SUZ12: variants seen among roughly 807,000 people sequenced by gnomAD.
The protein encoded by SUZ12 is SUZ12 polycomb repressive complex 2 subunit.
SUZ12 carries 17 observed loss-of-function variants against 87.3 expected under a neutral mutation model. That is an observed-to-expected ratio of 0.19 (90% CI 0.13 to 0.29). The LOEUF (loss-of-function observed/expected upper bound fraction) is 0.29. Ranked by LOEUF, SUZ12 falls within the 10% of genes least tolerant of loss-of-function variation. SUZ12 has a pLI of 1.00. For synonymous variants in SUZ12, 253 were observed against 312.4 expected (o/e 0.81, Z 2.01); for missense variants, 526 against 912.2 (o/e 0.58, Z 5.45).
chr17:31,968,620 T>C, intron 5 of SUZ12, among the ~76,000 whole-genome samples: 1 of 152,238 alleles, frequency 6.6e-6, no homozygotes, highest in East Asian at 1.9e-4. Flanking sequence ...AGATCTGGTC[T>C]ATTTTTTATA....
intron 4 of SUZ12, among the ~76,000 whole-genome samples, chr17:31,954,905 G>A (rs1432073710): frequency 6.6e-6 from 1 of 152,212 alleles, no homozygotes; most frequent in Non-Finnish European, 1.5e-5. Context: ...AGCTGGAGCA[G>A]ATGGCCAGGG....
intron 4 of SUZ12, among the ~76,000 whole-genome samples, chr17:31,955,554 C>T (rs1907263824): frequency 6.6e-6 from 1 of 152,070 alleles, no homozygotes; most frequent in Non-Finnish European, 1.5e-5. Flanking sequence ...TGAGAACAGC[C>T]TGACCAACAT....
intron 8 of SUZ12, among the ~76,000 whole-genome samples, chr17:31,981,025 CAAAAA>C (rs1036267583): frequency 7.4e-6 from 1 of 135,086 alleles, no homozygotes; most frequent in Non-Finnish European, 1.6e-5. Flanking sequence ...CAGCGACTGT[CAAAAA>C]AAAAAACCAA....
intron 4 of SUZ12, among the ~76,000 whole-genome samples, chr17:31,959,205 G>A (rs138425008): frequency 0.011 from 1,733 of 152,000 alleles, 34 homozygotes; most frequent in African/African-American, 0.039. Context: ...TTCAGAACCT[G>A]GCTATACATT....
intron 12 of SUZ12, 34 bp from the exon 13 acceptor site, chr17:31,994,530 T>C: frequency 6.5e-7 from 1 of 1,538,082 alleles, no homozygotes; most frequent in Non-Finnish European, 8.8e-7. Context: ...GATAGGATAC[T>C]TAATATATTT....
intron 5 of SUZ12, 112 bp downstream of exon 5, chr17:31,966,308 T>G: frequency 2.1e-6 from 2 of 945,768 alleles, no homozygotes; most frequent in South Asian, 1.6e-5. Flanking sequence ...TAATGGAAAA[T>G]ATGTTGGTTC....
intron 8 of SUZ12, among the ~76,000 whole-genome samples, chr17:31,980,333 G>A (rs898605956): frequency 1.3e-5 from 2 of 151,066 alleles, no homozygotes; most frequent in African/African-American, 4.9e-5. Context: ...ATTTTGTCAG[G>A]AGGAGCCCTT....
At chr17:31,973,118 T>C (rs1365431488) in intron 5 of SUZ12, 28 bp from the exon 6 acceptor site, 7 of 1,514,062 alleles carry the variant, frequency 4.6e-6, no homozygotes, top group Middle Eastern at 1.9e-4. Flanking sequence ...TTTTTAAATA[T>C]ATTTTAAAAT....
Position 31,994,665 on chromosome 17 carries a change from T to C in SUZ12, c.1539T>C (p.Ala513=), listed in dbSNP as rs1909880933. ...PQDIHRQPGF[A]FSRNGPVKRT... ...ATATTCATCGCCAACCTGGATTTGCTTTTAGTCGCAACGGACCAGTTAAGA... is the reference window on the plus strand; with the variant it reads ...ATATTCATCGCCAACCTGGATTTGCCTTTAGTCGCAACGGACCAGTTAAGA... The change falls in exon 13 of 16, where the codon GCT becomes GCC. Residue 513 remains alanine (A), a synonymous_variant. Coordinates refer to ENST00000322652, the MANE Select transcript of SUZ12 (RefSeq NM_015355.4). The C allele has an allele frequency of 6.2e-7, 1 of 1,614,024 alleles. No homozygotes were observed. The highest frequency in any genetic ancestry group is 1.3e-5 in the African/African-American group (1 of 74,912).
chr17:31,968,668 C>T (rs1908235340), intron 5 of SUZ12, among the ~76,000 whole-genome samples: 1 of 152,054 alleles, frequency 6.6e-6, no homozygotes, highest in South Asian at 2.1e-4. Context: ...TTTTGTTTTC[C>T]TTAAATTATT....
chr17:31,998,047 G>T (rs1346454900), intron 15 of SUZ12, among the ~76,000 whole-genome samples: 5 of 151,722 alleles, frequency 3.3e-5, no homozygotes, highest in African/African-American at 9.7e-5. Flanking sequence ...AGACCAACCT[G>T]GGCAACACAG....
chr17:31,983,271 A>ATT (rs1909215060), intron 9 of SUZ12, among the ~76,000 whole-genome samples, 167 bp downstream of exon 9: 1 of 129,104 alleles, frequency 7.7e-6, no homozygotes, highest in Non-Finnish European at 1.6e-5. Context: ...GGAAGGTATC[A>ATT]TTCTTTTTTT....
chr17:32,001,036 CTG>C (rs1598195936), exon 16 of SUZ12: 1 of 196,514 alleles, frequency 5.1e-6, no homozygotes, highest in Non-Finnish European at 1.1e-5. Context: ...AATATAAAAG[CTG>C]TATTCTGTTT....
intron 4 of SUZ12, among the ~76,000 whole-genome samples, chr17:31,958,101 C>T (rs867750989): frequency 1.3e-5 from 2 of 151,590 alleles, no homozygotes; most frequent in Non-Finnish European, 2.9e-5. Context: ...GATGGGGTTT[C>T]ACCGTGTTAG....
chr17:31,984,845 A>C (rs969429810), intron 9 of SUZ12, among the ~76,000 whole-genome samples: 6 of 152,186 alleles, frequency 3.9e-5, no homozygotes, highest in African/African-American at 1.4e-4. Flanking sequence ...TATACTCTCA[A>C]ATAATATTTT....
chr17:31,964,792 C>A (rs982459880), intron 4 of SUZ12, among the ~76,000 whole-genome samples: 8 of 152,042 alleles, frequency 5.3e-5, no homozygotes, highest in Non-Finnish European at 1.2e-4. Flanking sequence ...AAATGTCTTT[C>A]TTACTTGCCT....
At position 31,949,676 on chromosome 17, in the gene SUZ12, C is replaced by CTTTTTTTTT. The variant is rs71360790; in HGVS notation, c.455+2012_455+2020dup. On this transcript the variant is annotated intron_variant, in intron 4 of 15. Coordinates refer to ENST00000322652, the MANE Select transcript of SUZ12 (RefSeq NM_015355.4). ...CCACACCCAGCCCCCCCCCCCCCCC[C>CTTTTTTTTT]TTTTTTTTTTTTTTTTTTTTTTTTT... Among the ~76,000 whole-genome samples the CTTTTTTTTT allele has an allele frequency of 1.9e-3, 23 of 12,386 alleles. 3 individuals carry two copies. The highest frequency in any genetic ancestry group is 8.0e-3 in the African/African-American group (23 of 2,882). 8.1% of individuals were successfully genotyped at this position (12,386 alleles called of 152,430 possible). A position where few individuals can be genotyped will look rare whatever the true frequency, so the allele number is the denominator to read the frequency against.
chr17:31,976,223 G>A (rs189732987), intron 7 of SUZ12, among the ~76,000 whole-genome samples: 43 of 152,320 alleles, frequency 2.8e-4, no homozygotes, highest in Non-Finnish European at 3.4e-4. Context: ...TCTTTGACTC[G>A]AAGTATTGTT....
Position 31,961,450 on chromosome 17 carries a change from G to A in SUZ12, c.456-4697G>A, listed in dbSNP as rs149437345. 3.8e-3 allele frequency among the ~76,000 whole-genome samples: 571 copies of A among 152,208 alleles called. 3 individuals are homozygous for A. Among genetic ancestry groups the A allele is most frequent in the Non-Finnish European group, 5.9e-3 (400 of 68,006 alleles). On this transcript the variant is annotated intron_variant, in intron 4 of 15. Coordinates refer to ENST00000322652, the MANE Select transcript of SUZ12 (RefSeq NM_015355.4). Reference sequence around the variant, plus strand: ...TAATCCCAGCTACTCAGAGACTGAGGCAGGAGAATCACTTGAACCCAGGTG... The same window carrying A: ...TAATCCCAGCTACTCAGAGACTGAGACAGGAGAATCACTTGAACCCAGGTG...
Sources: gnomAD v4.1 joint callset for allele counts (sites outside exome capture counted in the v4.1 genomes callset) on GRCh38, gnomAD v4.1.1 for gene constraint, MANE v1.5 for transcripts, NCBI Gene and HGNC (gene_info 2026-07-23, HGNC 2026-07-21) for gene names.